The following KIT variants were observed in gnomAD, a reference collection of about 807,000 sequenced individuals.
KIT encodes KIT proto-oncogene, receptor tyrosine kinase, also known as mast/stem cell growth factor receptor Kit.
KIT carries 16 observed loss-of-function variants against 105.7 expected under a neutral mutation model. The observed-to-expected ratio is 0.15, with a 90% CI of 0.10 to 0.23. KIT has a LOEUF of 0.23. KIT is among the 10% of genes least tolerant of loss of function. The pLI, the probability that KIT is intolerant of heterozygous loss-of-function variation, is 1.00. For synonymous variants in KIT, 438 were observed against 441.1 expected, an observed-to-expected ratio of 0.99 and a Z score of 0.09; for missense variants, 858 against 1,213.8, an observed-to-expected ratio of 0.71 and a Z score of 4.36.
At chr4:54,706,020 C>G (rs1235363735) in intron 5 of KIT, among the ~76,000 whole-genome samples, 1 of 152,122 alleles carries the variant, frequency 6.6e-6, no homozygotes, top group African/African-American at 2.4e-5. Flanking sequence ...TTATTGCTCT[C>G]TTTTTCAAGA....
intron 1 of KIT, among the ~76,000 whole-genome samples, chr4:54,692,266 A>G (rs1719766379): frequency 6.6e-6 from 1 of 152,190 alleles, no homozygotes; most frequent in African/African-American, 2.4e-5. Context: ...CTTTTCTATG[A>G]TAGCATGTAT....
intron 1 of KIT, among the ~76,000 whole-genome samples, chr4:54,660,316 C>T (rs1430271214): frequency 6.6e-6 from 1 of 152,092 alleles, no homozygotes; most frequent in Non-Finnish European, 1.5e-5. Flanking sequence ...AGCTCCTGTG[C>T]CTAACAGGAT....
At chr4:54,711,915 C>G (rs1409372637) in intron 7 of KIT, among the ~76,000 whole-genome samples, 3 of 137,214 alleles carry the variant, frequency 2.2e-5, no homozygotes, top group African/African-American at 8.3e-5. Flanking sequence ...GGCGACTGAA[C>G]GAGAGTCCGT....
At chr4:54,668,502 C>G (rs1477072852) in intron 1 of KIT, among the ~76,000 whole-genome samples, 1 of 152,122 alleles carries the variant, frequency 6.6e-6, no homozygotes, top group African/African-American at 2.4e-5. Flanking sequence ...AAACAATGGC[C>G]GGGACTCCCA....
At chr4:54,718,309 C>T (rs1297567595) in intron 7 of KIT, among the ~76,000 whole-genome samples, 1 of 152,148 alleles carries the variant, frequency 6.6e-6, no homozygotes, top group Non-Finnish European at 1.5e-5. Flanking sequence ...CCATGTTGGC[C>T]AGGCTGGTCT....
At chr4:54,658,509 G>A (rs967169578) in intron 1 of KIT, among the ~76,000 whole-genome samples, 4 of 151,960 alleles carry the variant, frequency 2.6e-5, no homozygotes, top group Non-Finnish European at 4.4e-5. Context: ...GTGTGTGACC[G>A]GCGCCCGGGA....
At chr4:54,658,472 G>GC (rs1229407010) in intron 1 of KIT, among the ~76,000 whole-genome samples, 1 of 152,112 alleles carries the variant, frequency 6.6e-6, no homozygotes, top group Non-Finnish European at 1.5e-5. Context: ...AGGCGCGGCC[G>GC]CAGCTTCCTT....
intron 1 of KIT, among the ~76,000 whole-genome samples, chr4:54,673,133 G>A (rs562073924): frequency 4.5e-4 from 69 of 152,244 alleles, no homozygotes; most frequent in African/African-American, 1.6e-3. Context: ...GCTGCTGTAG[G>A]TTGATTATTT....
intron 3 of KIT, among the ~76,000 whole-genome samples, chr4:54,698,872 T>G (rs889840237): frequency 2.0e-5 from 3 of 152,158 alleles, no homozygotes; most frequent in Admixed American, 2.0e-4. Context: ...GGGAAACCCA[T>G]TGGGTAGCTT....
Position 54,707,121 on chromosome 4 carries a change from C to A in KIT, c.949C>A (p.Pro317Thr). The A allele has an allele frequency of 6.4e-7, 1 of 1,553,518 alleles. No homozygotes were observed. Among genetic ancestry groups the A allele is most frequent in the South Asian group, 1.1e-5 (1 of 89,584 alleles). The change falls in exon 6 of 21, where the codon CCC becomes ACC. Residue 317 changes from proline (P) to threonine (T), a missense_variant. Physicochemically the swap from Pro to Thr is conservative, Grantham distance 38. Transcript: ENST00000288135. ...AGATAAAGGATTCATTAATATCTTC[C>A]CCATGATAAACACTACAGTATTTGT... is the stretch of plus-strand genomic sequence containing the variant. ...VVDKGFINIF[P>T]MINTTVFVND...
chr4:54,730,090 T>G (rs2109788967), intron 14 of KIT, among the ~76,000 whole-genome samples: 2 of 152,354 alleles, frequency 1.3e-5, no homozygotes, highest in Admixed American at 1.3e-4. Flanking sequence ...GATGCCATTC[T>G]GAATTTGAAT....
chr4:54,682,787 C>T (rs1232647358), intron 1 of KIT, among the ~76,000 whole-genome samples: 5 of 150,356 alleles, frequency 3.3e-5, no homozygotes, highest in South Asian at 4.2e-4. Context: ...AGTCTCGCCC[C>T]GTCACCCGAG....
At chr4:54,664,516 G>A (rs1261397244) in intron 1 of KIT, among the ~76,000 whole-genome samples, 1 of 152,174 alleles carries the variant, frequency 6.6e-6, no homozygotes, top group Non-Finnish European at 1.5e-5. Context: ...GAGAGGCCAA[G>A]CCCTGCCTTA....
rs776294006 is a variant in KIT, at chr4:54,727,339, G to A, written c.1647+15G>A. Reference sequence around the variant, plus strand: ...AATATTTACAGGTAACCATTTATTTGTTCTCTCTCCAGAGTGCTCTAATGA... The same window carrying A: ...AATATTTACAGGTAACCATTTATTTATTCTCTCTCCAGAGTGCTCTAATGA... On this transcript the variant is annotated intron_variant, in intron 10 of 20. Coordinates refer to ENST00000288135, the MANE Select transcript of KIT (RefSeq NM_000222.3). The A allele has an allele frequency of 1.2e-6, 2 of 1,613,348 alleles. No homozygotes were observed. Among genetic ancestry groups the A allele is most frequent in the Non-Finnish European group, 1.7e-6 (2 of 1,179,360 alleles).
intron 7 of KIT, among the ~76,000 whole-genome samples, chr4:54,717,207 G>A (rs1721561798): frequency 6.6e-6 from 1 of 152,154 alleles, no homozygotes; most frequent in African/African-American, 2.4e-5. Context: ...AGATATAATG[G>A]CAACCTACTT....
At chr4:54,717,748 G>C (rs1004941558) in intron 7 of KIT, among the ~76,000 whole-genome samples, 2 of 151,938 alleles carry the variant, frequency 1.3e-5, no homozygotes, top group African/African-American at 2.4e-5. Flanking sequence ...TGTTTCCATG[G>C]GCATTCTGTC....
Position 54,729,465 on chromosome 4 carries a change from G to T in KIT, c.2121G>T (p.Leu707=), listed in dbSNP as rs1577998148. 3.1e-6 allele frequency: 5 copies of T among 1,613,348 alleles called. No homozygotes were observed. In the East Asian group the frequency reaches 8.9e-5, roughly 29 times the overall value. ...HAEAALYKNL[L]HSKESSCSDS... ...AAGCTGCACTTTATAAGAATCTTCT[G>T]CATTCAAAGGAGTCTTCCTGGTAAG... Residue 707 remains leucine, a synonymous_variant, in exon 14 of 21, where the codon CTG becomes CTT. Coordinates refer to ENST00000288135, the MANE Select transcript of KIT (RefSeq NM_000222.3).
intron 1 of KIT, among the ~76,000 whole-genome samples, chr4:54,661,337 A>T (rs970689669): frequency 2.6e-5 from 4 of 152,076 alleles, no homozygotes; most frequent in African/African-American, 9.7e-5. Context: ...CTTGGAGAAC[A>T]TTTATGTACA....
intron 6 of KIT, 56 bp from the exon 7 acceptor site, chr4:54,709,368 A>G (rs1400595637): frequency 3.7e-6 from 4 of 1,085,120 alleles, no homozygotes; most frequent in South Asian, 2.5e-5. Context: ...TGAAAAAGAC[A>G]TGCCTTCCAA....
Sources: allele counts gnomAD v4.1 joint callset (sites outside exome capture counted in the v4.1 genomes callset), GRCh38; gene constraint gnomAD v4.1.1; transcripts MANE v1.5; gene names NCBI Gene and HGNC (gene_info 2026-07-23, HGNC 2026-07-21).